Variants in VAPB observed in about 807,000 individuals in gnomAD.
VAPB encodes vesicle-associated membrane protein-associated protein B/C.
A neutral mutation model predicts 25.6 loss-of-function variants in VAPB; 7 were observed. That is an observed-to-expected ratio of 0.27 (90% CI 0.16 to 0.51). VAPB has a LOEUF of 0.51. VAPB is among the 20% of genes least tolerant of loss of function. The probability of loss-of-function intolerance (pLI) is 0.97; values close to 1 mark genes in which losing one functional copy is unlikely to be tolerated. For missense variants in VAPB, 266 were observed against 301.3 expected (o/e 0.88, Z 0.87); for synonymous variants, 112 against 109.2 (o/e 1.03, Z -0.16).
chr20:58,432,005 C>T (rs1238838120), intron 2 of VAPB, among the ~76,000 whole-genome samples: 1 of 152,090 alleles, frequency 6.6e-6, no homozygotes, highest in Admixed American at 6.5e-5. Context: ...TTCTTTCCTT[C>T]TTGGGCCATC....
rs1989337520 is a variant in VAPB at position 58,447,991 on chromosome 20, G to A, written c.*3756G>A. On this transcript the variant is annotated 3_prime_UTR_variant, in exon 6 of 6. Coordinates refer to ENST00000475243, the MANE Select transcript of VAPB (RefSeq NM_004738.5). The stretch of plus-strand genomic sequence containing the variant: ...CTGCTGGAGATGGCATTTCATTGAA[G>A]GGCCTCTCGTGGCTTTCCCTGCCCC... 1 of 453,800 alleles carries A rather than the reference G, an allele frequency of 2.2e-6. No homozygotes were observed. The highest frequency in any genetic ancestry group is 7.0e-5 in the East Asian group (1 of 14,376). The allele number at this position is 453,800 out of a possible 1,614,324, so 28.1% of individuals were successfully genotyped here.
chr20:58,434,773 G>A, intron 3 of VAPB, 68 bp downstream of exon 3: 11 of 796,820 alleles, frequency 1.4e-5, no homozygotes, highest in South Asian at 8.3e-5. Flanking sequence ...ATATGGAATT[G>A]TGGGTGCATG....
At chr20:58,408,989 C>A (rs1988307568) in intron 1 of VAPB, among the ~76,000 whole-genome samples, 1 of 136,204 alleles carries the variant, frequency 7.3e-6, no homozygotes, top group East Asian at 2.2e-4. Flanking sequence ...AATGCTGGAA[C>A]AGGAGCAGCA....
At position 58,446,546 on chromosome 20, in the gene VAPB, C is replaced by G. The variant is rs1457481573; in HGVS notation, c.*2311C>G. The G allele has an allele frequency of 2.2e-6, 1 of 453,990 alleles. No individual in the cohort carries two copies. The highest frequency in any genetic ancestry group is 2.4e-5 in the Admixed American group (1 of 42,544). 28.1% of individuals were successfully genotyped at this position (453,990 alleles called of 1,614,324 possible). ...CTGTAACAGTTCTTAAAAAGAATAT[C>G]TGAGAAACTACTCTGTTTTAGACCT... On this transcript the variant is annotated 3_prime_UTR_variant, in exon 6 of 6. Coordinates refer to ENST00000475243, the MANE Select transcript of VAPB (RefSeq NM_004738.5).
chr20:58,441,134 G>C, intron 5 of VAPB, 51 bp downstream of exon 5: 1 of 1,592,740 alleles, frequency 6.3e-7, no homozygotes, highest in Non-Finnish European at 8.6e-7. Flanking sequence ...GTTTTCACTA[G>C]CTTCTTGGGT....
At chr20:58,441,208 T>C in intron 5 of VAPB, 125 bp downstream of exon 5, 2 of 1,092,902 alleles carry the variant, frequency 1.8e-6, no homozygotes, top group Non-Finnish European at 2.7e-6. Flanking sequence ...GGCTATTTTT[T>C]TCTCCCCAGG....
chr20:58,429,434 C>G (rs1430993416), intron 2 of VAPB, among the ~76,000 whole-genome samples: 1 of 152,238 alleles, frequency 6.6e-6, no homozygotes, highest in Non-Finnish European at 1.5e-5. Context: ...TTTATGTCTT[C>G]TCCTCTGCCC....
Position 58,445,648 on chromosome 20 carries a change from C to G in VAPB, c.*1413C>G, listed in dbSNP as rs190582293. Reference sequence around the variant, plus strand: ...TTGGAAGGTTAACTTTAAAATGAGCCCTATCACTGAGAAATACGTGTTTCA... The same window carrying G: ...TTGGAAGGTTAACTTTAAAATGAGCGCTATCACTGAGAAATACGTGTTTCA... On this transcript the variant is annotated 3_prime_UTR_variant, in exon 6 of 6. Transcript: ENST00000475243. 252 of 452,812 alleles carry G rather than the reference C, an allele frequency of 5.6e-4. No homozygotes were observed. Among genetic ancestry groups the G allele is most frequent in the African/African-American group, 4.8e-3 (235 of 49,458 alleles). 28.0% of individuals were successfully genotyped at this position (452,812 alleles called of 1,614,324 possible).
intron 1 of VAPB, among the ~76,000 whole-genome samples, chr20:58,397,669 A>G (rs1330413847): frequency 6.6e-6 from 1 of 152,230 alleles, no homozygotes; most frequent in Non-Finnish European, 1.5e-5. Context: ...TGTAAAGGGC[A>G]CTTATTAAGA....
At chr20:58,436,607 A>T (rs1989051979) in intron 3 of VAPB, among the ~76,000 whole-genome samples, 1 of 152,122 alleles carries the variant, frequency 6.6e-6, no homozygotes, top group South Asian at 2.1e-4. Flanking sequence ...GATTACAGGC[A>T]TGAGCCACTG....
Position 58,446,065 on chromosome 20 carries a change from T to C in VAPB, c.*1830T>C, listed in dbSNP as rs377458765. 1.3e-5 allele frequency: 6 copies of C among 454,052 alleles called. No individual in the cohort carries two copies. Among genetic ancestry groups the C allele is most frequent in the Middle Eastern group, 1.4e-3 (2 of 1,444 alleles). The allele number at this position is 454,052 out of a possible 1,614,324, so 28.1% of individuals were successfully genotyped here. A position where few individuals can be genotyped will look rare whatever the true frequency, so the allele number is the denominator to read the frequency against. On this transcript the variant is annotated 3_prime_UTR_variant, in exon 6 of 6. Transcript: ENST00000475243. The stretch of plus-strand genomic sequence containing the variant: ...TGGTCTGAGTAAGTAACTTCCTGTC[T>C]TCATGAAAAAAGTTGACTTTGAATC...
intron 5 of VAPB, among the ~76,000 whole-genome samples, chr20:58,442,735 G>C (rs1306579489): frequency 6.6e-6 from 1 of 152,216 alleles, no homozygotes; most frequent in Non-Finnish European, 1.5e-5. Flanking sequence ...ATAGCAGGGA[G>C]AGACATAGAC....
intron 2 of VAPB, chr20:58,432,381 AT>A (rs2123085196): frequency 6.6e-6 from 1 of 152,298 alleles, no homozygotes; most frequent in South Asian, 2.1e-4. Context: ...GAGTGGTGCA[AT>A]AGCTGTTCAC....
chr20:58,431,947 T>C (rs1017973186), intron 2 of VAPB, among the ~76,000 whole-genome samples: 3 of 152,186 alleles, frequency 2.0e-5, no homozygotes, highest in African/African-American at 7.2e-5. Context: ...AGAATTTGCC[T>C]TCTATGGTAC....
Position 58,449,110 on chromosome 20 carries a change from C to G in VAPB, c.*4875C>G. ...GAAGCCCCTGATAAGGAGCGTCAGC[C>G]GACAGGCAAGCTTGGGAGGCTGTGG... On this transcript the variant is annotated 3_prime_UTR_variant, in exon 6 of 6. Transcript: ENST00000475243. 2.2e-6 allele frequency: 1 copy of G among 454,088 alleles called. No homozygotes were observed. The highest frequency in any genetic ancestry group is 4.4e-6 in the Non-Finnish European group (1 of 226,798). 28.1% of individuals were successfully genotyped at this position (454,088 alleles called of 1,614,324 possible).
intron 1 of VAPB, among the ~76,000 whole-genome samples, chr20:58,404,541 A>G (rs1217822459): frequency 6.6e-6 from 1 of 152,210 alleles, no homozygotes; most frequent in Non-Finnish European, 1.5e-5. Context: ...GAGGTAGTAT[A>G]CTGCCCAGGA....
Position 58,448,827 on chromosome 20 carries a change from C to G in VAPB, c.*4592C>G, listed in dbSNP as rs1409876194. 2.2e-6 allele frequency: 1 copy of G among 454,084 alleles called. No homozygotes were observed. The highest frequency in any genetic ancestry group is 4.4e-6 in the Non-Finnish European group (1 of 226,790). The allele number at this position is 454,084 out of a possible 1,614,324, so 28.1% of individuals were successfully genotyped here. A position where few individuals can be genotyped will look rare whatever the true frequency, so the allele number is the denominator to read the frequency against. ...TTTTCTCATTGCCTGAAGATCTCTG[C>G]TGATGCTCCTGGAGAATGACTTTGG... On this transcript the variant is annotated 3_prime_UTR_variant, in exon 6 of 6. Transcript: ENST00000475243.
intron 2 of VAPB, among the ~76,000 whole-genome samples, chr20:58,421,973 C>T (rs183948627): frequency 1.3e-5 from 2 of 152,284 alleles, no homozygotes; most frequent in East Asian, 1.9e-4. Context: ...CTTCAGAACA[C>T]GGCAGATCAC....
intron 2 of VAPB, among the ~76,000 whole-genome samples, chr20:58,428,137 G>A (rs1300948957): frequency 2.0e-5 from 3 of 152,204 alleles, no homozygotes; most frequent in African/African-American, 4.8e-5. Context: ...TTTAAGTAGC[G>A]TATCTTCTGT....
Sources: allele counts gnomAD v4.1 joint callset (sites outside exome capture counted in the v4.1 genomes callset), GRCh38; gene constraint gnomAD v4.1.1; transcripts MANE v1.5; gene names NCBI Gene and HGNC (gene_info 2026-07-23, HGNC 2026-07-21).